The following MORC3 variants were observed in gnomAD, a reference collection of about 807,000 sequenced individuals.
MORC3 encodes the protein MORC family CW-type zinc finger 3.
In MORC3, 31 loss-of-function variants were observed where a neutral mutation model predicts 109.1. The ratio of observed to expected loss-of-function variants is 0.28; its 90% CI spans 0.21 to 0.38. The LOEUF (loss-of-function observed/expected upper bound fraction) is 0.38, where lower values mean the gene tolerates loss of function less well. Ranked by LOEUF, MORC3 falls within the 10% of genes least tolerant of loss-of-function variation. The pLI is 1.00. For missense variants in MORC3, 867 were observed against 1,135.8 expected (o/e 0.76, Z 3.40); for synonymous variants, 395 against 380.7 (o/e 1.04, Z -0.44).
At chr21:36,341,608 A>T (rs554646229) in intron 6 of MORC3, 62 bp downstream of exon 6, 51 of 1,594,708 alleles carry the variant, frequency 3.2e-5, no homozygotes, top group Admixed American at 2.3e-4. Context: ...GTATTAGGAG[A>T]GGTCATGTTA....
At chr21:36,331,218 G>A (rs1169303660) in intron 1 of MORC3, among the ~76,000 whole-genome samples, 2 of 152,112 alleles carry the variant, frequency 1.3e-5, no homozygotes, top group Admixed American at 1.3e-4. Context: ...CCCCTTATTA[G>A]GAGAGAATCT....
At position 36,359,955 on chromosome 21, in the gene MORC3, G is replaced by A. The variant is rs745902580; in HGVS notation, c.1209G>A (p.Gln403=). The change falls in exon 11 of 17, where the codon CAG becomes CAA. Residue 403 remains glutamine, a splice_region_variant and synonymous_variant. Coordinates refer to ENST00000400485, the MANE Select transcript of MORC3 (RefSeq NM_015358.3). ...YPLNLPVEDI[Q]KRPDQTWVQC... is the part of the protein sequence containing the mutation. Reference sequence around the variant, plus strand: ...ATATTTTGTTCTTGTTTTGGGACAGGAAGCGTCCTGATCAGACATGGGTTC... The same window carrying A: ...ATATTTTGTTCTTGTTTTGGGACAGAAAGCGTCCTGATCAGACATGGGTTC... The A allele has an allele frequency of 5.6e-6, 9 of 1,614,186 alleles. No homozygotes were observed. In the East Asian group the frequency reaches 2.0e-4, roughly 36 times the overall value.
chr21:36,339,064 C>G, intron 5 of MORC3, 143 bp downstream of exon 5: 2 of 998,950 alleles, frequency 2.0e-6, no homozygotes, highest in Non-Finnish European at 1.4e-6. Flanking sequence ...TTGTCTTTGC[C>G]CAGGATATGT....
At chr21:36,363,118 C>T (rs1174731986) in intron 13 of MORC3, among the ~76,000 whole-genome samples, 1 of 152,048 alleles carries the variant, frequency 6.6e-6, no homozygotes, top group African/African-American at 2.4e-5. Context: ...CCTGATAAGC[C>T]CATTATAAGT....
intron 8 of MORC3, among the ~76,000 whole-genome samples, chr21:36,347,591 G>T (rs2085523743): frequency 6.6e-6 from 1 of 152,182 alleles, no homozygotes; most frequent in Non-Finnish European, 1.5e-5. Context: ...GATTTGCTGT[G>T]CTGGGTGCTC....
chr21:36,349,765 T>C (rs2085550202), intron 9 of MORC3, among the ~76,000 whole-genome samples: 1 of 152,246 alleles, frequency 6.6e-6, no homozygotes, highest in Non-Finnish European at 1.5e-5. Context: ...ATAGAGGGCC[T>C]GGCCAATGCT....
chr21:36,320,635 GGGGCCCCTGACCCTCTTCTGTCCGCT>G (rs1169758278), intron 1 of MORC3: 12 of 267,394 alleles, frequency 4.5e-5, no homozygotes, highest in African/African-American at 6.7e-5. Context: ...TCGGGGCCGC[GGGGCCCCTGACCCTCTTCTGTCCGCT>G]GGGCGTCGTG....
intron 6 of MORC3, among the ~76,000 whole-genome samples, chr21:36,343,186 C>T (rs1437818523): frequency 6.6e-6 from 1 of 151,806 alleles, no homozygotes; most frequent in Non-Finnish European, 1.5e-5. Context: ...GCCTCCACCT[C>T]CTGGGTTCAA....
intron 15 of MORC3, among the ~76,000 whole-genome samples, chr21:36,371,415 C>G (rs757530884): frequency 7.1e-6 from 1 of 140,388 alleles, no homozygotes; most frequent in Non-Finnish European, 1.5e-5. Flanking sequence ...TTACAGCCAA[C>G]CTCCCAAAAT....
intron 1 of MORC3, among the ~76,000 whole-genome samples, chr21:36,330,196 T>TC (rs1320631823): frequency 6.6e-6 from 1 of 152,082 alleles, no homozygotes; most frequent in Non-Finnish European, 1.5e-5. Context: ...CTTTTTTTTT[T>TC]CTTTCCAGAT....
chr21:36,328,335 C>T (rs1403662834), intron 1 of MORC3, among the ~76,000 whole-genome samples: 2 of 150,134 alleles, frequency 1.3e-5, no homozygotes, highest in Non-Finnish European at 3.0e-5. Context: ...AATAAGCCCC[C>T]CCCCGCCTTT....
chr21:36,372,212 A>G (rs558356658), intron 15 of MORC3, among the ~76,000 whole-genome samples, 162 bp from the exon 16 acceptor site: 2 of 152,252 alleles, frequency 1.3e-5, no homozygotes, highest in South Asian at 4.1e-4. Flanking sequence ...CTGTAAACGA[A>G]TGAAGCCTTG....
intron 8 of MORC3, among the ~76,000 whole-genome samples, chr21:36,346,514 A>G (rs1003820772): frequency 2.6e-5 from 4 of 151,858 alleles, no homozygotes; most frequent in Admixed American, 2.0e-4. Flanking sequence ...CAACATACCA[A>G]GTCTCTACCT....
rs2085491833 is a variant in MORC3, at chr21:36,344,965, T to C, written c.939T>C (p.Tyr313=). ...FGFNCRNKDH[Y]GIMMYHRNRL... Reference sequence around the variant, plus strand: ...TCAACTGCAGAAATAAAGATCATTATGGGATAATGATGTATCACAGAAATA... The same window carrying C: ...TCAACTGCAGAAATAAAGATCATTACGGGATAATGATGTATCACAGAAATA... Residue 313 remains tyrosine (Y), a synonymous_variant, in exon 8 of 17, where the codon TAT becomes TAC. Coordinates refer to ENST00000400485, the MANE Select transcript of MORC3 (RefSeq NM_015358.3). 6.2e-7 allele frequency: 1 copy of C among 1,612,232 alleles called. No individual in the cohort carries two copies. The highest frequency in any genetic ancestry group is 1.3e-5 in the African/African-American group (1 of 74,870).
In MORC3 at chr21:36,371,162, T is replaced by G. The variant is rs550102293; in HGVS notation, c.2509-1212T>G. On this transcript the variant is annotated intron_variant, in intron 15 of 16. Transcript: ENST00000400485. ...ATTCAGGTAGCTCCTTTTAATCTAT[T>G]TTATACATTTTTGTGTGTGAGGCCT... is the stretch of plus-strand genomic sequence containing the variant. 9.2e-5 allele frequency among the ~76,000 whole-genome samples: 14 copies of G among 152,288 alleles called. No individual in the cohort carries two copies. The South Asian group carries it at 2.3e-3, about 25-fold the overall frequency.
At chr21:36,359,587 G>A (rs1361565777) in intron 10 of MORC3, among the ~76,000 whole-genome samples, 1 of 93,692 alleles carries the variant, frequency 1.1e-5, no homozygotes, top group Non-Finnish European at 1.9e-5. Context: ...TTTTTGACAG[G>A]ATCTTACTCT....
chr21:36,369,096 T>A lies in MORC3; in HGVS notation c.1728T>A (p.Asp576Glu). ...SVYKGDDDDEDVIILEENSTP... is the reference protein window; with the variant it reads ...SVYKGDDDDEEVIILEENSTP... ...ATAAAGGTGATGATGATGATGAAGA[T>A]GTCATCATCTTAGAAGAAAACAGTA... The change falls in exon 15 of 17, where the codon GAT becomes GAA. Residue 576 changes from aspartate (D) to glutamate (E), a missense_variant. Physicochemically the swap from Asp to Glu is conservative, Grantham distance 45. Around this residue, in one of 7 missense-constraint regions of MORC3, gnomAD observed 486 missense variants for 502.1 expected, o/e 0.97. Coordinates refer to ENST00000400485, the MANE Select transcript of MORC3 (RefSeq NM_015358.3). The A allele has an allele frequency of 6.2e-7, 1 of 1,614,020 alleles. No individual in the cohort carries two copies. Among genetic ancestry groups the A allele is most frequent in the Non-Finnish European group, 8.5e-7 (1 of 1,179,938 alleles).
intron 2 of MORC3, among the ~76,000 whole-genome samples, chr21:36,335,806 G>A (rs1273115919): frequency 6.6e-6 from 1 of 152,198 alleles, no homozygotes; most frequent in African/African-American, 2.4e-5. Flanking sequence ...TTCCATCCTT[G>A]TATGTAACTT....
intron 1 of MORC3, among the ~76,000 whole-genome samples, chr21:36,329,325 A>G (rs1000290998): frequency 3.9e-5 from 6 of 152,046 alleles, no homozygotes; most frequent in Admixed American, 2.6e-4. Context: ...AAAGTTTACA[A>G]ATTTGTGTTG....
Sources: allele counts gnomAD v4.1 joint callset (sites outside exome capture counted in the v4.1 genomes callset), GRCh38; gene constraint gnomAD v4.1.1; regional missense constraint gnomAD v4.1.1; transcripts MANE v1.5; gene names NCBI Gene and HGNC (gene_info 2026-07-23, HGNC 2026-07-21).